Variants in LMX1B observed in about 807,000 individuals in gnomAD.
The protein encoded by LMX1B is LIM homeobox transcription factor 1-beta.
LMX1B carries 12 observed loss-of-function variants against 51.4 expected under a neutral mutation model. That is an observed-to-expected ratio of 0.23 (90% CI 0.15 to 0.38). The LOEUF is 0.38. Among genes scored for constraint, LMX1B ranks in the 10% least tolerant of loss-of-function variants. The probability of loss-of-function intolerance (pLI) is 1.00; values close to 1 mark genes in which losing one functional copy is unlikely to be tolerated. For synonymous variants in LMX1B, 237 were observed against 235.4 expected (o/e 1.01, Z -0.06); for missense variants, 445 against 571.1 (o/e 0.78, Z 2.25).
chr9:126,621,402 A>G (rs1835407269), intron 2 of LMX1B, among the ~76,000 whole-genome samples: 1 of 152,220 alleles, frequency 6.6e-6, no homozygotes, highest in South Asian at 2.1e-4. Context: ...GAGCAAAACC[A>G]AAATTATATA....
Position 126,695,655 on chromosome 9 carries a change from A to G in LMX1B, c.887-184A>G, listed in dbSNP as rs541517059. 3.3e-5 allele frequency among the ~76,000 whole-genome samples: 5 copies of G among 152,176 alleles called. No individual in the cohort carries two copies. In the South Asian group the frequency reaches 1.0e-3, roughly 32 times the overall value. On this transcript the variant is annotated intron_variant, in intron 6 of 7. Coordinates refer to ENST00000373474, the MANE Select transcript of LMX1B (RefSeq NM_001174147.2). The surrounding 1 kb of genome is among the most constrained non-coding windows in gnomAD (Gnocchi z 5.2). The stretch of plus-strand genomic sequence containing the variant: ...GAGGGGAGGACTCTGGCTTTTGGTA[A>G]GCTGAGCCTGGAGGAGGAGCTGGAG...
At chr9:126,652,981 C>T (rs1184117526) in intron 2 of LMX1B, among the ~76,000 whole-genome samples, 1 of 152,072 alleles carries the variant, frequency 6.6e-6, no homozygotes, top group Non-Finnish European at 1.5e-5. Context: ...CTGGGCAAGA[C>T]TGAAAACAAA....
At chr9:126,639,572 A>C (rs1243442511) in intron 2 of LMX1B, among the ~76,000 whole-genome samples, 10 of 152,210 alleles carry the variant, frequency 6.6e-5, no homozygotes, top group Admixed American at 6.5e-4. Flanking sequence ...GAAAGCTAAT[A>C]ACACACGCCC....
At chr9:126,619,659 C>G (rs903093732) in intron 2 of LMX1B, among the ~76,000 whole-genome samples, 1 of 152,196 alleles carries the variant, frequency 6.6e-6, no homozygotes, top group African/African-American at 2.4e-5. Context: ...CATTTAACCC[C>G]GGCACCTTGG....
chr9:126,676,426 G>A (rs902036401), intron 2 of LMX1B, among the ~76,000 whole-genome samples: 1 of 152,176 alleles, frequency 6.6e-6, no homozygotes, highest in Non-Finnish European at 1.5e-5. Context: ...CACACAATAA[G>A]CACCGCATCA....
intron 2 of LMX1B, among the ~76,000 whole-genome samples, chr9:126,650,757 A>C (rs549811745): frequency 3.3e-5 from 5 of 152,322 alleles, no homozygotes; most frequent in Admixed American, 1.3e-4. Context: ...TGGCTGCAGC[A>C]AAACTTGCTG....
intron 2 of LMX1B, among the ~76,000 whole-genome samples, chr9:126,647,909 G>T (rs1261617289): frequency 6.6e-6 from 1 of 152,228 alleles, no homozygotes; most frequent in Non-Finnish European, 1.5e-5. Context: ...TCTCCCCAGA[G>T]ATCCGACATC....
chr9:126,676,447 G>T (rs554684207), intron 2 of LMX1B, among the ~76,000 whole-genome samples: 1 of 152,314 alleles, frequency 6.6e-6, no homozygotes, highest in African/African-American at 2.4e-5. Context: ...GTATTTGGGG[G>T]AATGGATGAA....
intron 2 of LMX1B, among the ~76,000 whole-genome samples, chr9:126,654,153 G>C (rs1387001292): frequency 6.6e-6 from 1 of 152,038 alleles, no homozygotes; most frequent in Non-Finnish European, 1.5e-5. Flanking sequence ...AGCCACTCCC[G>C]AGATGCCACA....
rs557204452 is a variant in LMX1B, at chr9:126,657,455, A to G, written c.327-33381A>G. 8.5e-5 allele frequency among the ~76,000 whole-genome samples: 13 copies of G among 152,312 alleles called. 1 individual carries two copies. Among genetic ancestry groups the G allele is most frequent in the Middle Eastern group, 3.4e-3 (1 of 294 alleles). Reference sequence around the variant, plus strand: ...TGCTTATGTGCAAGTCTGTTCCCCAATGGTGACATGTTTCCAGGATCACCT... The same window carrying G: ...TGCTTATGTGCAAGTCTGTTCCCCAGTGGTGACATGTTTCCAGGATCACCT... On this transcript the variant is annotated intron_variant, in intron 2 of 7. Coordinates refer to ENST00000373474, the MANE Select transcript of LMX1B (RefSeq NM_001174147.2).
chr9:126,669,270 C>T (rs1488936331), intron 2 of LMX1B, among the ~76,000 whole-genome samples: 1 of 151,944 alleles, frequency 6.6e-6, no homozygotes, highest in Non-Finnish European at 1.5e-5. Context: ...GATGAGGGCT[C>T]CTGTAGATAT....
intron 2 of LMX1B, among the ~76,000 whole-genome samples, chr9:126,666,738 T>C (rs1836349665): frequency 1.3e-5 from 2 of 151,924 alleles, no homozygotes; most frequent in Admixed American, 6.6e-5. Flanking sequence ...GAGCAGGCCG[T>C]GATGCAGTTT....
At chr9:126,631,456 C>T (rs1005316411) in intron 2 of LMX1B, among the ~76,000 whole-genome samples, 1 of 151,988 alleles carries the variant, frequency 6.6e-6, no homozygotes, top group Admixed American at 6.5e-5. Context: ...GCTGCTGATT[C>T]CCAGGAGTCC....
Position 126,618,133 on chromosome 9 carries a change from G to A in LMX1B, c.326+2564G>A, listed in dbSNP as rs1285762533. On this transcript the variant is annotated intron_variant, in intron 2 of 7. Transcript: ENST00000373474. This position sits in a 1 kb window ranked among gnomAD's most constrained non-coding sequence, Gnocchi z 4.5. Reference sequence around the variant, plus strand: ...TTTTCAGACAGGAATCCAAGCAAGCGGGCGCAGAAACGTGCCTTCTTGATA... The same window carrying A: ...TTTTCAGACAGGAATCCAAGCAAGCAGGCGCAGAAACGTGCCTTCTTGATA... Among the ~76,000 whole-genome samples, 1 of 152,104 alleles carries A rather than the reference G, an allele frequency of 6.6e-6. No homozygotes were observed. The highest frequency in any genetic ancestry group is 2.1e-4 in the South Asian group (1 of 4,828).
At chr9:126,665,220 C>G (rs970276835) in intron 2 of LMX1B, among the ~76,000 whole-genome samples, 1 of 152,242 alleles carries the variant, frequency 6.6e-6, no homozygotes, top group Non-Finnish European at 1.5e-5. Context: ...GAGCCGGTCC[C>G]CCTCCTCCAC....
At chr9:126,666,721 G>T (rs1263240663) in intron 2 of LMX1B, among the ~76,000 whole-genome samples, 1 of 152,182 alleles carries the variant, frequency 6.6e-6, no homozygotes, top group Non-Finnish European at 1.5e-5. Flanking sequence ...AGACTCTGAA[G>T]ACTTCTGAGC....
chr9:126,682,514 G>A (rs1007543948), intron 2 of LMX1B, among the ~76,000 whole-genome samples: 5 of 152,196 alleles, frequency 3.3e-5, no homozygotes, highest in Non-Finnish European at 5.9e-5. Flanking sequence ...AGGAACTGGG[G>A]GTGGGGGCAT....
At chr9:126,681,965 G>A (rs116087038) in intron 2 of LMX1B, among the ~76,000 whole-genome samples, 3,018 of 145,488 alleles carry the variant, frequency 0.021, 83 homozygotes, top group African/African-American at 0.061. Flanking sequence ...ACCCTTCCCA[G>A]GGTCCCTATC....
chr9:126,691,545 T>C (rs1331871923), intron 3 of LMX1B, among the ~76,000 whole-genome samples: 1 of 152,218 alleles, frequency 6.6e-6, no homozygotes, highest in Admixed American at 6.5e-5. Flanking sequence ...TATATGTTTG[T>C]CCACATGCTC....
Sources: gnomAD v4.1 joint callset for allele counts (sites outside exome capture counted in the v4.1 genomes callset) on GRCh38, gnomAD v4.1.1 for gene constraint, Gnocchi (gnomAD v3.1) non-coding constraint, MANE v1.5 for transcripts, NCBI Gene and HGNC (gene_info 2026-07-23, HGNC 2026-07-21) for gene names.